ASXL3: variants seen among roughly 807,000 people sequenced by gnomAD.
ASXL3 encodes the protein putative Polycomb group protein ASXL3.
Under a neutral mutation model 170.6 loss-of-function variants are expected in ASXL3, and 34 were observed. The ratio of observed to expected loss-of-function variants is 0.20; its 90% confidence interval spans 0.15 to 0.27. ASXL3 has a LOEUF of 0.27. Ranked by LOEUF, ASXL3 falls within the 10% of genes least tolerant of loss-of-function variation. The probability of loss-of-function intolerance (pLI) is 1.00; values close to 1 mark genes in which losing one functional copy is unlikely to be tolerated. For synonymous variants in ASXL3, 1,002 were observed against 989.1 expected (o/e 1.01, Z -0.24); for missense variants, 2,592 against 2,695.3 (o/e 0.96, Z 0.85).
chr18:33,590,111 GTTTTTTT>G (rs567969303), intron 1 of ASXL3, among the ~76,000 whole-genome samples: 2 of 83,184 alleles, frequency 2.4e-5, no homozygotes, highest in Non-Finnish European at 4.5e-5. Context: ...TGCTTTCTAT[GTTTTTTT>G]TTTTTTTTTT....
intron 8 of ASXL3, among the ~76,000 whole-genome samples, chr18:33,704,660 G>A (rs2066928947): frequency 1.3e-5 from 2 of 152,032 alleles, no homozygotes. Flanking sequence ...CATTGATAAT[G>A]TGTGAAGTCA....
intron 2 of ASXL3, among the ~76,000 whole-genome samples, chr18:33,639,409 A>G (rs2065814920): frequency 6.6e-6 from 1 of 152,112 alleles, no homozygotes; most frequent in East Asian, 1.9e-4. Flanking sequence ...TAGGGATGGT[A>G]ATATAGCATG....
intron 8 of ASXL3, among the ~76,000 whole-genome samples, chr18:33,708,586 G>A (rs2067003307): frequency 6.6e-6 from 1 of 152,078 alleles, no homozygotes; most frequent in Non-Finnish European, 1.5e-5. Context: ...TGTGGTGGGG[G>A]ATGGACTTGG....
chr18:33,704,670 A>G (rs2066929048), intron 8 of ASXL3, among the ~76,000 whole-genome samples: 1 of 152,080 alleles, frequency 6.6e-6, no homozygotes, highest in African/African-American at 2.4e-5. Context: ...GTGTGAAGTC[A>G]AAGATGTTAA....
chr18:33,620,953 T>C (rs1376098341), intron 2 of ASXL3, among the ~76,000 whole-genome samples: 1 of 152,116 alleles, frequency 6.6e-6, no homozygotes, highest in Non-Finnish European at 1.5e-5. Context: ...AGGACTAGTT[T>C]CCACATGGAC....
intron 1 of ASXL3, among the ~76,000 whole-genome samples, chr18:33,583,748 T>C (rs1459582390): frequency 6.6e-6 from 1 of 152,208 alleles, no homozygotes. Context: ...GCTTTTAGAC[T>C]TGTAGAGTTG....
chr18:33,630,999 C>A (rs2065668723), intron 2 of ASXL3, among the ~76,000 whole-genome samples: 1 of 151,654 alleles, frequency 6.6e-6, no homozygotes, highest in African/African-American at 2.4e-5. Context: ...TTAAATGTAA[C>A]ATTTAAATCC....
At chr18:33,618,269 G>A (rs745857182) in intron 2 of ASXL3, among the ~76,000 whole-genome samples, 5 of 152,044 alleles carry the variant, frequency 3.3e-5, no homozygotes, top group Admixed American at 2.0e-4. Context: ...CTGGAACTCA[G>A]GTCGTTTTTC....
chr18:33,690,909 C>G (rs1441719904), intron 8 of ASXL3, among the ~76,000 whole-genome samples: 1 of 152,140 alleles, frequency 6.6e-6, no homozygotes, highest in Non-Finnish European at 1.5e-5. Context: ...AGGTGCCCTC[C>G]TCACCATGGT....
In ASXL3 at chr18:33,619,196, C is replaced by A. The variant is rs1346012417; in HGVS notation, c.137+11520C>A. ...AAATGATAAACCTGGGATTTGATGTCTGACTTAGAGCCAATTGTTCTTAAC... is the reference window on the plus strand; with the variant it reads ...AAATGATAAACCTGGGATTTGATGTATGACTTAGAGCCAATTGTTCTTAAC... On this transcript the variant is annotated intron_variant, in intron 2 of 11. Coordinates refer to ENST00000269197, the MANE Select transcript of ASXL3 (RefSeq NM_030632.3). Among the ~76,000 whole-genome samples, 3 of 152,074 alleles carry A rather than the reference C, an allele frequency of 2.0e-5. No homozygotes were observed. The East Asian group carries it at 5.8e-4, about 29-fold the overall frequency.
At chr18:33,611,153 T>A (rs2065331011) in intron 2 of ASXL3, among the ~76,000 whole-genome samples, 1 of 152,198 alleles carries the variant, frequency 6.6e-6, no homozygotes, top group South Asian at 2.1e-4. Context: ...ATAGGACAAC[T>A]TTTTTACATC....
At chr18:33,730,558 C>G (rs1050837546) in intron 8 of ASXL3, among the ~76,000 whole-genome samples, 1 of 152,120 alleles carries the variant, frequency 6.6e-6, no homozygotes, top group Non-Finnish European at 1.5e-5. Flanking sequence ...GATGGGGAAG[C>G]TGAGACATTC....
At chr18:33,609,317 C>T (rs2065298282) in intron 2 of ASXL3, among the ~76,000 whole-genome samples, 1 of 151,862 alleles carries the variant, frequency 6.6e-6, no homozygotes, top group African/African-American at 2.4e-5. Context: ...GCTTTGTTGC[C>T]AGAGGAATCT....
chr18:33,739,500 C>G lies in ASXL3; in HGVS notation c.2096C>G (p.Pro699Arg). ...GAAGCATCTCTTATGTCCAACTTAC[C>G]ATTAACATCTGAAGCATCACCAGTA... ...ISEASLMSNLPLTSEASPVSN... is the reference protein window; with the variant it reads ...ISEASLMSNLRLTSEASPVSN... The change falls in exon 11 of 12, where the codon CCA becomes CGA. Residue 699 changes from proline to arginine, a missense_variant. This residue lies in a region of ASXL3 where 2,246 missense variants were observed against 2,219.6 expected (regional missense o/e 1.01). Coordinates refer to ENST00000269197, the MANE Select transcript of ASXL3 (RefSeq NM_030632.3). 6.2e-7 allele frequency: 1 copy of G among 1,613,872 alleles called. No individual in the cohort carries two copies. The highest frequency in any genetic ancestry group is 8.5e-7 in the Non-Finnish European group (1 of 1,179,826).
rs763850445 is a variant in ASXL3 at position 33,683,550 on chromosome 18, C to T, written c.861C>T (p.Leu287=). ...QHFQQYLLLL[L]PEVDRQMGSD... ...TTCAACAATACCTCCTGCTTTTGCTCCCAGAAGTGGATAGGCAGGTAAGTA... is the reference window on the plus strand; with the variant it reads ...TTCAACAATACCTCCTGCTTTTGCTTCCAGAAGTGGATAGGCAGGTAAGTA... The change falls in exon 8 of 12, where the codon CTC becomes CTT. Residue 287 remains leucine (L), a synonymous_variant. Coordinates refer to ENST00000269197, the MANE Select transcript of ASXL3 (RefSeq NM_030632.3). 2 of 1,612,438 alleles carry T rather than the reference C, an allele frequency of 1.2e-6. No individual in the cohort carries two copies. Among genetic ancestry groups the T allele is most frequent in the Admixed American group, 3.3e-5 (2 of 59,894 alleles).
chr18:33,646,891 G>GC (rs200591360), intron 4 of ASXL3, among the ~76,000 whole-genome samples: 2 of 132,188 alleles, frequency 1.5e-5, no homozygotes, highest in Non-Finnish European at 3.3e-5. Context: ...GGGGGGGGGG[G>GC]GCATTTTTCA....
rs1289341089 is a variant in ASXL3, at chr18:33,743,214, G to A, written c.3366G>A (p.Gln1122=). The A allele has an allele frequency of 6.2e-7, 1 of 1,613,948 alleles. No homozygotes were observed. The highest frequency in any genetic ancestry group is 2.2e-5 in the East Asian group (1 of 44,876). ...ATCAAGCTCGAGCCCATCTCTTCCA[G>A]ACCTCTAAAGAGACCCGGTTGCCTC... The part of the protein sequence containing the change: ...AKHQARAHLF[Q]TSKETRLPPP... Residue 1122 remains glutamine, a synonymous_variant, in exon 12 of 12, where the codon CAG becomes CAA. Coordinates refer to ENST00000269197, the MANE Select transcript of ASXL3 (RefSeq NM_030632.3).
At chr18:33,599,371 A>G (rs1483035497) in intron 1 of ASXL3, among the ~76,000 whole-genome samples, 1 of 152,134 alleles carries the variant, frequency 6.6e-6, no homozygotes, top group Non-Finnish European at 1.5e-5. Flanking sequence ...ATGAATTTGT[A>G]GTGGATTGAA....
chr18:33,672,008 T>C (rs1382354864), intron 7 of ASXL3, 142 bp downstream of exon 7: 2 of 904,260 alleles, frequency 2.2e-6, no homozygotes, highest in African/African-American at 3.4e-5. Flanking sequence ...CCAAAAAGAA[T>C]GCTAAATAAG....
Sources: gnomAD v4.1 joint callset for allele counts (sites outside exome capture counted in the v4.1 genomes callset) on GRCh38, gnomAD v4.1.1 for gene constraint, gnomAD v4.1.1 regional missense constraint, MANE v1.5 for transcripts, NCBI Gene and HGNC (gene_info 2026-07-23, HGNC 2026-07-21) for gene names.